Variants in PCMTD1 observed in about 807,000 individuals in gnomAD.
PCMTD1 encodes the protein protein-L-isoaspartate O-methyltransferase domain-containing protein 1.
PCMTD1 carries 12 observed loss-of-function variants against 37.6 expected under a neutral mutation model. The ratio of observed to expected loss-of-function variants is 0.32; its 90% CI spans 0.20 to 0.52. The LOEUF (loss-of-function observed/expected upper bound fraction) is 0.52. PCMTD1 is among the 20% of genes least tolerant of loss of function. PCMTD1 has a pLI of 0.97. For missense variants in PCMTD1, 235 were observed against 421.3 expected (o/e 0.56, Z 3.87); for synonymous variants, 117 against 135.8 (o/e 0.86, Z 0.96).
At chr8:51,894,964 A>G (rs2038979856) in intron 1 of PCMTD1, among the ~76,000 whole-genome samples, 1 of 152,218 alleles carries the variant, frequency 6.6e-6, no homozygotes, top group Non-Finnish European at 1.5e-5. Flanking sequence ...ACAAAATGAC[A>G]GCTACTAAGT....
chr8:51,862,351 T>TTCAC (rs2038484654), intron 1 of PCMTD1, among the ~76,000 whole-genome samples: 1 of 141,380 alleles, frequency 7.1e-6, no homozygotes, highest in South Asian at 2.1e-4. Context: ...ACATGTTTTA[T>TTCAC]ACACATACAC....
chr8:51,862,236 CTCA>C (rs2038482403), intron 1 of PCMTD1, among the ~76,000 whole-genome samples: 1 of 152,132 alleles, frequency 6.6e-6, no homozygotes, highest in South Asian at 2.1e-4. Context: ...AAACCCCACA[CTCA>C]TGTTTATTAA....
chr8:51,833,425 G>T (rs1346898594), intron 4 of PCMTD1, 93 bp downstream of exon 4: 8 of 1,011,154 alleles, frequency 7.9e-6, no homozygotes, highest in African/African-American at 5.0e-5. Flanking sequence ...TTCTTTAAAA[G>T]TTACAATATA....
intron 1 of PCMTD1, among the ~76,000 whole-genome samples, chr8:51,868,905 A>G (rs950013565): frequency 1.8e-4 from 27 of 152,320 alleles, no homozygotes; most frequent in Non-Finnish European, 3.7e-4. Flanking sequence ...ATTAACTTTT[A>G]AGGAACTATA....
rs186854293 is a variant in PCMTD1 at position 51,819,498 on chromosome 8, A to G, written c.*853T>C. ...TTCTGTGTCCTATCAAGAGTCACAC[A>G]TAACAATGGTTTTGCTTTTTTTAAA... On this transcript the variant is annotated 3_prime_UTR_variant, in exon 6 of 6. Coordinates refer to ENST00000522514, the MANE Select transcript of PCMTD1 (RefSeq NM_052937.4). The G allele has an allele frequency of 3.1e-4, 47 of 152,570 alleles. No homozygotes were observed. In the East Asian group the frequency reaches 6.4e-3, roughly 21 times the overall value. 9.5% of individuals were successfully genotyped at this position (152,570 alleles called of 1,614,324 possible).
At chr8:51,885,854 T>A (rs1517305) in intron 1 of PCMTD1, among the ~76,000 whole-genome samples, 4 of 152,094 alleles carry the variant, frequency 2.6e-5, no homozygotes, top group Non-Finnish European at 5.9e-5. Flanking sequence ...GAAGGTTATA[T>A]GTGTTTTGGA....
chr8:51,831,002 A>AC (rs1336210191), intron 5 of PCMTD1, among the ~76,000 whole-genome samples: 1 of 151,742 alleles, frequency 6.6e-6, no homozygotes, highest in Non-Finnish European at 1.5e-5. Context: ...TTTACCAAAA[A>AC]AAAAAAAATT....
intron 1 of PCMTD1, among the ~76,000 whole-genome samples, chr8:51,863,924 CAAAA>C (rs35179050): frequency 2.5e-5 from 3 of 121,712 alleles, no homozygotes; most frequent in African/African-American, 3.7e-5. Context: ...GATTCCCTCT[CAAAA>C]AAAAAAAAAA....
chr8:51,891,556 A>G lies in PCMTD1; in HGVS notation c.-96+7374T>C, dbSNP rs182498478. Among the ~76,000 whole-genome samples the G allele has an allele frequency of 4.2e-3, 634 of 151,648 alleles. 6 individuals are homozygous for G. The highest frequency in any genetic ancestry group is 6.2e-3 in the Non-Finnish European group (423 of 67,882). ...GGGTGACACAGCGAGGCCCTGTCTCAAAAAAAAGAAAACAAAAAAACACTC... is the reference window on the plus strand; with the variant it reads ...GGGTGACACAGCGAGGCCCTGTCTCGAAAAAAAGAAAACAAAAAAACACTC... On this transcript the variant is annotated intron_variant, in intron 1 of 5. Transcript: ENST00000522514.
At position 51,861,056 on chromosome 8, in the gene PCMTD1, G is replaced by A; in HGVS notation, c.96C>T (p.Ala32=). The A allele has an allele frequency of 6.2e-7, 1 of 1,614,056 alleles. No homozygotes were observed. Among genetic ancestry groups the A allele is most frequent in the Non-Finnish European group, 8.5e-7 (1 of 1,179,994 alleles). Residue 32 remains alanine, a synonymous_variant, in exon 2 of 6, where the codon GCC becomes GCT. Coordinates refer to ENST00000522514, the MANE Select transcript of PCMTD1 (RefSeq NM_052937.4). Reference sequence around the variant, plus strand: ...AATCTCCACGATCAATCGCTCTGAAGGCTTGCTCCACTCTTTCAGTACGAA... The same window carrying A: ...AATCTCCACGATCAATCGCTCTGAAAGCTTGCTCCACTCTTTCAGTACGAA... ...QYIRTERVEQ[A]FRAIDRGDYY... is the part of the protein sequence containing the mutation.
intron 1 of PCMTD1, among the ~76,000 whole-genome samples, chr8:51,887,707 T>C (rs10111727): frequency 0.91 from 135,488 of 148,086 alleles, 62,820 homozygotes; most frequent in East Asian, 1. Context: ...TCAGTCCCAA[T>C]ATTTGAGAAC....
intron 5 of PCMTD1, among the ~76,000 whole-genome samples, chr8:51,822,814 T>C (rs1032454743): frequency 4.6e-4 from 70 of 152,288 alleles, no homozygotes; most frequent in African/African-American, 1.6e-3. Context: ...GAGGGCTCTG[T>C]AAAGGGACAG....
intron 1 of PCMTD1, among the ~76,000 whole-genome samples, chr8:51,876,753 T>C (rs2038718658): frequency 6.6e-6 from 1 of 152,124 alleles, no homozygotes. Context: ...TTGATGATAA[T>C]AGTCATAAAA....
At position 51,896,711 on chromosome 8, in the gene PCMTD1, A is replaced by G. The variant is rs186835972; in HGVS notation, c.-96+2219T>C. On this transcript the variant is annotated intron_variant, in intron 1 of 5. Coordinates refer to ENST00000522514, the MANE Select transcript of PCMTD1 (RefSeq NM_052937.4). ...ATTATAGTTTCACACTATATTCTCT[A>G]GACTATTTTAAATGCATGTGATTAC... 1.1e-3 allele frequency among the ~76,000 whole-genome samples: 169 copies of G among 152,328 alleles called. 1 individual carries two copies. The highest frequency in any genetic ancestry group is 2.1e-3 in the Admixed American group (32 of 15,310).
chr8:51,838,052 G>A (rs959919592), intron 3 of PCMTD1, among the ~76,000 whole-genome samples: 1 of 152,162 alleles, frequency 6.6e-6, no homozygotes, highest in African/African-American at 2.4e-5. Context: ...CTCCCAAAAT[G>A]CTAGAATTAC....
At chr8:51,897,028 T>TG (rs1241385557) in intron 1 of PCMTD1, among the ~76,000 whole-genome samples, 1 of 152,198 alleles carries the variant, frequency 6.6e-6, no homozygotes, top group Non-Finnish European at 1.5e-5. Flanking sequence ...TAAAATGTCA[T>TG]GGATTTTTTT....
chr8:51,886,234 CTT>C lies in PCMTD1; in HGVS notation c.-96+12694_-96+12695del, dbSNP rs2038863037. Reference sequence around the variant, plus strand: ...TCGACTTATTCAAAATCATCATCCTCTTTAGCTGAAATTTTCCAGTGCATTCA... The same window carrying C: ...TCGACTTATTCAAAATCATCATCCTCTAGCTGAAATTTTCCAGTGCATTCA... On this transcript the variant is annotated intron_variant, in intron 1 of 5. Transcript: ENST00000522514. Among the ~76,000 whole-genome samples the C allele has an allele frequency of 2.0e-5, 3 of 152,280 alleles. No homozygotes were observed. In the South Asian group the frequency reaches 6.2e-4, roughly 32 times the overall value.
At chr8:51,850,606 T>C (rs531668389) in intron 2 of PCMTD1, among the ~76,000 whole-genome samples, 191 of 152,256 alleles carry the variant, frequency 1.3e-3, no homozygotes, top group African/African-American at 4.6e-3. Flanking sequence ...ACTATCCAAA[T>C]CTCTGTTCTC....
At chr8:51,842,156 C>G (rs2038156067) in intron 3 of PCMTD1, among the ~76,000 whole-genome samples, 1 of 152,044 alleles carries the variant, frequency 6.6e-6, no homozygotes, top group African/African-American at 2.4e-5. Flanking sequence ...ATGAAACTTC[C>G]CCCTTCCCTC....
Sources: allele counts gnomAD v4.1 joint callset (sites outside exome capture counted in the v4.1 genomes callset), GRCh38; gene constraint gnomAD v4.1.1; transcripts MANE v1.5; gene names NCBI Gene and HGNC (gene_info 2026-07-23, HGNC 2026-07-21).